Variants in TRAPPC2L observed in about 807,000 individuals in gnomAD.
The protein encoded by TRAPPC2L is trafficking protein particle complex subunit 2L.
TRAPPC2L carries 17 observed loss-of-function variants against 13.2 expected under a neutral mutation model. The observed-to-expected ratio is 1.29, with a 90% CI of 0.88 to 1.93. The LOEUF (loss-of-function observed/expected upper bound fraction) is 1.93, where lower values mean the gene tolerates loss of function less well. Ranked by LOEUF, TRAPPC2L falls within the 30% of genes most tolerant of loss-of-function variation. TRAPPC2L has a pLI of 0.00. For missense variants in TRAPPC2L, 359 were observed against 252.1 expected (o/e 1.42, Z -2.87); for synonymous variants, 150 against 98.1 (o/e 1.53, Z -3.12).
intron 2 of TRAPPC2L, chr16:88,859,275 A>G (rs1407912573): frequency 1.7e-6 from 1 of 582,362 alleles, no homozygotes; most frequent in Non-Finnish European, 3.2e-6. Context: ...GCTAGTAGCC[A>G]CTATTTTACA....
chr16:88,858,930 G>A, intron 2 of TRAPPC2L, 139 bp downstream of exon 2: 1 of 847,016 alleles, frequency 1.2e-6, no homozygotes, highest in Non-Finnish European at 1.8e-6. Flanking sequence ...AGCTTGAGGT[G>A]AATGAAGGCC....
intron 1 of TRAPPC2L, among the ~76,000 whole-genome samples, chr16:88,857,684 C>T (rs1968048031): frequency 6.6e-6 from 1 of 152,250 alleles, no homozygotes; most frequent in African/African-American, 2.4e-5. Flanking sequence ...CCCCATAACC[C>T]TTGGCACTCT....
chr16:88,860,401 T>C, exon 4 of TRAPPC2L: 1 of 611,564 alleles, frequency 1.6e-6, no homozygotes, highest in Non-Finnish European at 2.9e-6. Flanking sequence ...GTAAACAGAT[T>C]TAACTTTTGA....
At chr16:88,859,786 G>T in intron 3 of TRAPPC2L, 36 bp downstream of exon 3, 3 of 1,595,596 alleles carry the variant, frequency 1.9e-6, no homozygotes, top group Non-Finnish European at 2.6e-6. Context: ...GCCCGAGTGG[G>T]TGTTTTGTTT....
chr16:88,857,358 C>T (rs1323758149), intron 1 of TRAPPC2L, 175 bp downstream of exon 1: 1 of 584,704 alleles, frequency 1.7e-6, no homozygotes, highest in African/African-American at 2.0e-5. Flanking sequence ...CAGACCCTGA[C>T]TGAGACCCCA....
At chr16:88,857,489 A>G (rs944407877) in intron 1 of TRAPPC2L, 38 of 386,778 alleles carry the variant, frequency 9.8e-5, no homozygotes, top group African/African-American at 7.7e-4. Flanking sequence ...CGTCCTCAGC[A>G]GGTTCTGCCC....
rs751739388 is a variant in TRAPPC2L at position 88,859,996 on chromosome 16, G to GGGCCCTA, written c.398_399insGGCCCTA (p.Cys133TrpfsTer25). 125 of 1,522,744 alleles carry GGGCCCTA rather than the reference G, an allele frequency of 8.2e-5. No homozygotes were observed. The highest frequency in any genetic ancestry group is 1.8e-4 in the African/African-American group (7 of 38,806). 94.3% of individuals were successfully genotyped at this position (1,522,744 alleles called of 1,614,324 possible). A position where few individuals can be genotyped will look rare whatever the true frequency, so the allele number is the denominator to read the frequency against. The stretch of plus-strand genomic sequence containing the variant: ...AGGTGGGCCCTACTTTCTGTGTCTT[G>GGGCCCTA]CCACCTTCTTTCTGTAGGACATGCC... On this transcript the variant is annotated frameshift_variant, in exon 4 of 4. Coordinates refer to ENST00000565504, the Ensembl canonical transcript of TRAPPC2L. LOFTEE classifies it low-confidence loss of function (END_TRUNC).
exon 4 of TRAPPC2L, chr16:88,860,922 A>T: frequency 1.3e-6 from 2 of 1,594,726 alleles, no homozygotes; most frequent in Non-Finnish European, 1.7e-6. Flanking sequence ...AGGGCCTTTG[A>T]TAACATGGTG....
intron 1 of TRAPPC2L, among the ~76,000 whole-genome samples, chr16:88,857,712 T>C (rs989423401): frequency 4.6e-5 from 7 of 152,204 alleles, no homozygotes; most frequent in Non-Finnish European, 1.0e-4. Flanking sequence ...AACCAAACAA[T>C]TCTGCAGCTC....
exon 4 of TRAPPC2L, chr16:88,860,774 C>A: frequency 1.1e-6 from 1 of 904,970 alleles, no homozygotes; most frequent in Non-Finnish European, 1.7e-6. Flanking sequence ...CCTGTCCTGG[C>A]CTCTCAGCGG....
upstream of TRAPPC2L, chr16:88,856,980 A>G (rs926016635): frequency 1.7e-5 from 24 of 1,392,106 alleles, no homozygotes; most frequent in African/African-American, 3.5e-4. Context: ...CGGCCACGTG[A>G]CTCGCGGGGC....
At chr16:88,859,446 A>G in intron 2 of TRAPPC2L, 1 of 701,740 alleles carries the variant, frequency 1.4e-6, no homozygotes, top group Non-Finnish European at 2.6e-6. Context: ...TGAACTGGGT[A>G]AGGCTTGGCT....
chr16:88,858,919 T>C, intron 2 of TRAPPC2L, 128 bp downstream of exon 2: 1 of 999,592 alleles, frequency 1.0e-6, no homozygotes, highest in South Asian at 1.7e-5. Context: ...GGAATTAGGG[T>C]AGCTTGAGGT....
exon 4 of TRAPPC2L, chr16:88,860,667 T>G (rs1968320901): frequency 3.3e-6 from 2 of 600,232 alleles, no homozygotes; most frequent in Non-Finnish European, 3.0e-6. Flanking sequence ...TGCCTGCCCA[T>G]GCTGCTCCCT....
In TRAPPC2L at chr16:88,857,197, G is replaced by T; in HGVS notation, c.33+14G>T. ...ATTGCCAAGGAGGTGCGTACGCGCG[G>T]CGTGGGGCGTCCGGGCTCGCACCAT... On this transcript the variant is annotated intron_variant, in intron 1 of 3. Transcript: ENST00000565504. 1 of 1,565,066 alleles carries T rather than the reference G, an allele frequency of 6.4e-7. No individual in the cohort carries two copies. The highest frequency in any genetic ancestry group is 8.6e-7 in the Non-Finnish European group (1 of 1,160,624).
chr16:88,861,667 G>A (rs369180471), exon 4 of TRAPPC2L: 51 of 495,246 alleles, frequency 1.0e-4, no homozygotes, highest in African/African-American at 8.0e-4. Context: ...GGCAGCGGCC[G>A]AGCCCATAGT....
upstream of TRAPPC2L, chr16:88,857,105 C>T (rs766311538): frequency 4.6e-6 from 7 of 1,521,454 alleles, no homozygotes; most frequent in Middle Eastern, 1.8e-4. Context: ...GCCGCGTGAC[C>T]AGCGGCGGGT....
upstream of TRAPPC2L, chr16:88,856,356 G>A (rs1967878989): frequency 1.4e-6 from 1 of 702,016 alleles, no homozygotes. Flanking sequence ...TCCTCCCTTT[G>A]GGGAGGCCAC....
At chr16:88,861,009 G>A in exon 4 of TRAPPC2L, 1 of 1,542,696 alleles carries the variant, frequency 6.5e-7, no homozygotes, top group Non-Finnish European at 8.8e-7. Flanking sequence ...CGACTGTGGT[G>A]GGGCCGTCGG....
Sources: allele counts gnomAD v4.1 joint callset (sites outside exome capture counted in the v4.1 genomes callset), GRCh38; gene constraint gnomAD v4.1.1; transcripts MANE v1.5; gene names NCBI Gene and HGNC (gene_info 2026-07-23, HGNC 2026-07-21).